SCUBE2: variants seen among roughly 807,000 people sequenced by gnomAD.
The protein encoded by SCUBE2 is signal peptide, CUB and EGF-like domain-containing protein 2.
Under a neutral mutation model 125.9 loss-of-function variants are expected in SCUBE2, and 114 were observed. The ratio of observed to expected loss-of-function variants is 0.91; its 90% confidence interval spans 0.78 to 1.06. The LOEUF (loss-of-function observed/expected upper bound fraction) is 1.06, where lower values mean the gene tolerates loss of function less well. SCUBE2 is among the 50% of genes least tolerant of loss of function. SCUBE2 has a pLI of 0.00. For missense variants in SCUBE2, 1,255 were observed against 1,301.8 expected (o/e 0.96, Z 0.55); for synonymous variants, 459 against 492.9 (o/e 0.93, Z 0.91).
intron 1 of SCUBE2, chr11:9,090,485 A>ATTTT (rs71452502): frequency 1.7e-5 from 1 of 59,672 alleles, no homozygotes. Context: ...TTATTTATTT[A>ATTTT]TTTATTTTTT....
rs1367045735 is a variant in SCUBE2, at chr11:9,030,002, T to C, written c.2385A>G (p.Arg795=). ...ATGTTCCCACTGGGCAACGAATACA[T>C]CGGTGAGTGGTGGTGTTGTAGAAAT... ...PGHFYNTTTH[R]CIRCPVGTYQ... Residue 795 remains arginine (R), a synonymous_variant, in exon 19 of 23, where the codon CGA becomes CGG. Transcript: ENST00000649792. The C allele has an allele frequency of 6.2e-7, 1 of 1,614,188 alleles. No homozygotes were observed.
At position 9,074,417 on chromosome 11, in the gene SCUBE2, T is replaced by A. The variant is rs1283487614; in HGVS notation, c.517+64A>T. ...TTCCCCTCTAGAGTCAGTGTGTGTG[T>A]GCGCGTGCAAGGGAGAGGGTCTCAG... On this transcript the variant is annotated intron_variant, in intron 4 of 22. Coordinates refer to ENST00000649792, the MANE Select transcript of SCUBE2 (RefSeq NM_001367977.2). 5.7e-6 allele frequency: 9 copies of A among 1,583,248 alleles called. No individual in the cohort carries two copies. In the East Asian group the frequency reaches 1.6e-4, roughly 28 times the overall value.
At position 9,027,469 on chromosome 11, in the gene SCUBE2, A is replaced by T. The variant is rs998421742; in HGVS notation, c.2596T>A (p.Trp866Arg). 3 of 1,613,946 alleles carry T rather than the reference A, an allele frequency of 1.9e-6. No individual in the cohort carries two copies. The African/African-American group carries it at 4.0e-5, about 22-fold the overall frequency. The change falls in exon 20 of 23, where the codon TGG (tryptophan) becomes AGG (arginine). Residue 866 changes from tryptophan to arginine, a missense_variant. Coordinates refer to ENST00000649792, the MANE Select transcript of SCUBE2 (RefSeq NM_001367977.2). ...GNYPANTECTWTINPPPKRRI... is the reference protein window; with the variant it reads ...GNYPANTECTRTINPPPKRRI... ...CGCTTGGGGGGTGGGTTGATGGTCC[A>T]CGTACACTCGGTGTTGGCTGGGTAA...
intron 2 of SCUBE2, among the ~76,000 whole-genome samples, chr11:9,086,027 T>A (rs1350703169): frequency 6.6e-6 from 1 of 152,096 alleles, no homozygotes; most frequent in African/African-American, 2.4e-5. Flanking sequence ...AGAGAGAAGG[T>A]CTCACTATGT....
chr11:9,047,475 T>G lies in SCUBE2; in HGVS notation c.1883A>C (p.Glu628Ala). ...GCCTGAGAGCTGGAGGTGAAACTGCTCCCTGTGGACGGCCTTTCTGAGCGT... is the reference window on the plus strand; with the variant it reads ...GCCTGAGAGCTGGAGGTGAAACTGCGCCCTGTGGACGGCCTTTCTGAGCGT... ...IRTLRKAVHREQFHLQLSGMN... is the reference protein window; with the variant it reads ...IRTLRKAVHRAQFHLQLSGMN... Residue 628 changes from glutamate to alanine, a missense_variant, in exon 16 of 23, where the codon GAG becomes GCG. Physicochemically the swap from Glu to Ala is moderately radical, Grantham distance 107. Transcript: ENST00000649792. The G allele has an allele frequency of 6.2e-7, 1 of 1,613,860 alleles. No individual in the cohort carries two copies. Among genetic ancestry groups the G allele is most frequent in the Non-Finnish European group, 8.5e-7 (1 of 1,180,006 alleles).
chr11:9,063,885 T>A (rs61876348), intron 7 of SCUBE2, among the ~76,000 whole-genome samples: 26,596 of 152,208 alleles, frequency 0.17, 2,681 homozygotes, highest in South Asian at 0.37. Flanking sequence ...TTTTACAGCT[T>A]TGTCTGAAAT....
intron 3 of SCUBE2, among the ~76,000 whole-genome samples, chr11:9,076,060 C>A (rs903967425): frequency 5.9e-5 from 9 of 152,300 alleles, no homozygotes; most frequent in South Asian, 2.1e-4. Flanking sequence ...CAGTGGGGAG[C>A]TTGGAAGAGA....
intron 3 of SCUBE2, among the ~76,000 whole-genome samples, chr11:9,075,777 A>G (rs1056638440): frequency 3.3e-5 from 5 of 152,238 alleles, no homozygotes; most frequent in Non-Finnish European, 7.3e-5. Flanking sequence ...TGGCGACAGC[A>G]CTGCGGCTGC....
At chr11:9,043,691 G>A (rs1857439341) in intron 16 of SCUBE2, among the ~76,000 whole-genome samples, 1 of 151,986 alleles carries the variant, frequency 6.6e-6, no homozygotes, top group Non-Finnish European at 1.5e-5. Context: ...ACAGTTCAAT[G>A]CAAAAATAGG....
chr11:9,020,724 A>G lies in SCUBE2; in HGVS notation c.*321T>C, dbSNP rs761345313. 29 of 194,938 alleles carry G rather than the reference A, an allele frequency of 1.5e-4. No homozygotes were observed. The highest frequency in any genetic ancestry group is 2.6e-4 in the Non-Finnish European group (25 of 96,836). 12.1% of individuals were successfully genotyped at this position (194,938 alleles called of 1,614,324 possible). On this transcript the variant is annotated 3_prime_UTR_variant, in exon 23 of 23. Transcript: ENST00000649792. Reference sequence around the variant, plus strand: ...ACTACAGACTCCTTGAGGAGGAGTAAGACCCCAGAAGGACAGGTGAGTCTC... The same window carrying G: ...ACTACAGACTCCTTGAGGAGGAGTAGGACCCCAGAAGGACAGGTGAGTCTC...
Position 9,034,445 on chromosome 11 carries a change from T to A in SCUBE2, c.2003-649A>T, listed in dbSNP as rs190950571. On this transcript the variant is annotated intron_variant, in intron 16 of 22. Coordinates refer to ENST00000649792, the MANE Select transcript of SCUBE2 (RefSeq NM_001367977.2). ...TCATTGAAAGGACAGGAGTCAGGCA[T>A]GGTGGTGTGCGTCTGTAGTCCTAGC... 5.9e-5 allele frequency among the ~76,000 whole-genome samples: 9 copies of A among 152,286 alleles called. No individual in the cohort carries two copies. In the East Asian group the frequency reaches 1.7e-3, roughly 29 times the overall value.
chr11:9,087,505 A>G (rs1409318997), intron 2 of SCUBE2, among the ~76,000 whole-genome samples: 1 of 152,152 alleles, frequency 6.6e-6, no homozygotes, highest in East Asian at 1.9e-4. Context: ...GCCTCCCATG[A>G]CATGGCAGGG....
intron 5 of SCUBE2, 40 bp from the exon 6 acceptor site, chr11:9,066,853 T>C: frequency 6.6e-7 from 1 of 1,504,610 alleles, no homozygotes; most frequent in South Asian, 1.1e-5. Context: ...CACTGAGATT[T>C]CCACAAACAC....
At position 9,050,620 on chromosome 11, in the gene SCUBE2, C is replaced by CGCAGA. The variant is rs763418707; in HGVS notation, c.1620_1624dup (p.Arg542LeufsTer13). 1.2e-6 allele frequency: 2 copies of CGCAGA among 1,613,804 alleles called. No homozygotes were observed. Among genetic ancestry groups the CGCAGA allele is most frequent in the East Asian group, 4.5e-5 (2 of 44,870 alleles). ...TGATTCCATACCTGGTAGTGCTGGT[C>CGCAGA]GCAGACCCTCGGGAAACAGCTCAGC... is the stretch of plus-strand genomic sequence containing the variant. On this transcript the variant is annotated frameshift_variant, in exon 14 of 23. Transcript: ENST00000649792. LOFTEE classifies it high-confidence loss of function.
In SCUBE2 at chr11:9,024,127, C is replaced by T. The variant is rs938374297; in HGVS notation, c.2854+1575G>A. ...TCTCGTGGGCATACACTGCATTATG[C>T]GTAATTTTCCCCAGTTGGAGCTACA... On this transcript the variant is annotated intron_variant, in intron 21 of 22. Coordinates refer to ENST00000649792, the MANE Select transcript of SCUBE2 (RefSeq NM_001367977.2). 170 of 821,804 alleles carry T rather than the reference C, an allele frequency of 2.1e-4. 2 individuals are homozygous for T. The highest frequency in any genetic ancestry group is 3.3e-4 in the East Asian group (4 of 12,126). The allele number at this position is 821,804 out of a possible 1,614,324, so 50.9% of individuals were successfully genotyped here.
At chr11:9,070,094 C>T (rs1230751440) in intron 4 of SCUBE2, among the ~76,000 whole-genome samples, 1 of 152,046 alleles carries the variant, frequency 6.6e-6, no homozygotes, top group Admixed American at 6.5e-5. Context: ...GGGCATAAGC[C>T]TCTGACAGCA....
intron 5 of SCUBE2, among the ~76,000 whole-genome samples, chr11:9,068,306 C>T (rs948210897): frequency 2.0e-5 from 3 of 152,190 alleles, no homozygotes; most frequent in African/African-American, 7.2e-5. Context: ...CATGAATTGC[C>T]AGTGGTTTCC....
chr11:9,038,257 T>C (rs78408706), intron 16 of SCUBE2, among the ~76,000 whole-genome samples: 1 of 152,130 alleles, frequency 6.6e-6, no homozygotes, highest in African/African-American at 2.4e-5. Context: ...AGGGGAAGAT[T>C]ACAAAGAGGG....
rs994613539 is a variant in SCUBE2 at position 9,025,967 on chromosome 11, C to T, written c.2702-113G>A. The T allele has an allele frequency of 2.7e-6, 3 of 1,113,368 alleles. No homozygotes were observed. In the African/African-American group the frequency reaches 4.7e-5, roughly 17 times the overall value. 69.0% of individuals were successfully genotyped at this position (1,113,368 alleles called of 1,614,324 possible). ...CCATACAATAAGTTATGCTCAAAAG[C>T]TCTTCAGGCCCAGCTGAGCCATCAT... is the stretch of plus-strand genomic sequence containing the variant. On this transcript the variant is annotated intron_variant, in intron 20 of 22. Transcript: ENST00000649792.
Sources: gnomAD v4.1 joint callset for allele counts (sites outside exome capture counted in the v4.1 genomes callset) on GRCh38, gnomAD v4.1.1 for gene constraint, MANE v1.5 for transcripts, NCBI Gene and HGNC (gene_info 2026-07-23, HGNC 2026-07-21) for gene names.